Variants in ACCSL observed in about 807,000 individuals in gnomAD.
ACCSL encodes the protein probable inactive 1-aminocyclopropane-1-carboxylate synthase-like protein 2.
A neutral mutation model predicts 61.7 loss-of-function variants in ACCSL; 55 were observed. That is an observed-to-expected ratio of 0.89 (90% CI 0.72 to 1.12). ACCSL has a LOEUF of 1.12. Ranked by LOEUF, ACCSL falls within the 50% of genes most tolerant of loss-of-function variation. The probability of loss-of-function intolerance (pLI) is 0.00; values close to 1 mark genes in which losing one functional copy is unlikely to be tolerated. For missense variants in ACCSL, 632 were observed against 698.0 expected, an observed-to-expected ratio of 0.91 and a Z score of 1.07; for synonymous variants, 258 against 264.3, an observed-to-expected ratio of 0.98 and a Z score of 0.23.
the ACCSL span, among the ~76,000 whole-genome samples, chr11:43,995,782 C>T: frequency 6.6e-6 from 1 of 152,266 alleles, no homozygotes; most frequent in Admixed American, 6.5e-5. Flanking sequence ...CCTTGCCAGA[C>T]CACACAGGGC....
At chr11:44,038,842 T>C in the ACCSL span, among the ~76,000 whole-genome samples, 9 of 152,128 alleles carry the variant, frequency 5.9e-5, no homozygotes, top group African/African-American at 2.2e-4. Context: ...CTCCCCAACC[T>C]CTCCCTTTTC....
the ACCSL span, among the ~76,000 whole-genome samples, chr11:43,965,197 AAAC>A: frequency 0.015 from 2,357 of 152,314 alleles, 62 homozygotes; most frequent in African/African-American, 0.054. Context: ...AATCCTAAAG[AAAC>A]AACAACAACA....
the ACCSL span, among the ~76,000 whole-genome samples, chr11:43,992,994 G>C: frequency 2.0e-5 from 3 of 152,196 alleles, no homozygotes; most frequent in Non-Finnish European, 4.4e-5. Context: ...AAGTGAGAAC[G>C]TGGAGGAGGC....
chr11:43,981,704 C>G, the ACCSL span, among the ~76,000 whole-genome samples: 10 of 152,120 alleles, frequency 6.6e-5, no homozygotes, highest in African/African-American at 2.4e-4. Flanking sequence ...AAGTGAAGCT[C>G]TAGGGACCCT....
chr11:43,973,097 A>G, the ACCSL span, among the ~76,000 whole-genome samples: 1 of 152,238 alleles, frequency 6.6e-6, no homozygotes, highest in Admixed American at 6.5e-5. Context: ...ATGAATTTTT[A>G]TCTTTGGTAA....
At chr11:43,946,240 G>A in the ACCSL span, among the ~76,000 whole-genome samples, 5 of 152,170 alleles carry the variant, frequency 3.3e-5, no homozygotes, top group East Asian at 9.7e-4. Context: ...GCATGCCTGT[G>A]AGTAGTAGCC....
the ACCSL span, among the ~76,000 whole-genome samples, chr11:43,964,450 A>AG: frequency 6.6e-6 from 1 of 151,938 alleles, no homozygotes; most frequent in African/African-American, 2.4e-5. Context: ...AAAAAAAAAA[A>AG]AAAGAAAGAA....
the ACCSL span, among the ~76,000 whole-genome samples, chr11:43,949,676 A>T: frequency 6.6e-6 from 1 of 152,126 alleles, no homozygotes; most frequent in Non-Finnish European, 1.5e-5. Flanking sequence ...TTAGCTGGGC[A>T]TGGTGGCACA....
At chr11:43,988,072 G>C in the ACCSL span, among the ~76,000 whole-genome samples, 112 of 152,246 alleles carry the variant, frequency 7.4e-4, no homozygotes, top group Non-Finnish European at 1.2e-3. Flanking sequence ...CCTAGCCTCA[G>C]CTCCACCATG....
the ACCSL span, among the ~76,000 whole-genome samples, chr11:44,017,650 T>C: frequency 1.3e-5 from 2 of 152,212 alleles, no homozygotes; most frequent in Non-Finnish European, 2.9e-5. Flanking sequence ...CAGTGCTTTC[T>C]GGGATCCTGG....
the ACCSL span, among the ~76,000 whole-genome samples, chr11:43,954,443 T>TTA: frequency 2.6e-5 from 4 of 152,044 alleles, no homozygotes; most frequent in Non-Finnish European, 5.9e-5. Context: ...GGTGTCTGAT[T>TTA]TATATAAGGC....
chr11:44,058,707 G>A lies in ACCSL; in HGVS notation c.1624+8G>A. 1 of 1,605,706 alleles carries A rather than the reference G, an allele frequency of 6.2e-7. No individual in the cohort carries two copies. Among genetic ancestry groups the A allele is most frequent in the Non-Finnish European group, 8.5e-7 (1 of 1,174,854 alleles). On this transcript the variant is annotated splice_region_variant and intron_variant, in intron 13 of 13. Transcript: ENST00000378832. The stretch of plus-strand genomic sequence containing the variant: ...TCCCCCGGCTAAAATTGGGTGAGTG[G>A]AGCTGACCTCCCAATCCTTTAAAGA...
chr11:44,058,735 C>A, intron 13 of ACCSL, 36 bp downstream of exon 13: 1 of 1,579,102 alleles, frequency 6.3e-7, no homozygotes. Flanking sequence ...TTTAAAGACG[C>A]CCCATCAATT....
Position 44,048,502 on chromosome 11 carries a change from T to A in ACCSL, c.466T>A (p.Tyr156Asn). The change falls in exon 1 of 14, where the codon TAC becomes AAC. Residue 156 changes from tyrosine (Y) to asparagine (N), a missense_variant. Transcript: ENST00000378832. ...GTCGAGCTTCCAGGACTACAATGCCTACCAAAAAGATAAATATCATAAGGA... is the reference window on the plus strand; with the variant it reads ...GTCGAGCTTCCAGGACTACAATGCCAACCAAAAAGATAAATATCATAAGGA... ...YQSSFQDYNA[Y>N]QKDKYHKDKN... 1 of 1,524,742 alleles carries A rather than the reference T, an allele frequency of 6.6e-7. No homozygotes were observed. The highest frequency in any genetic ancestry group is 8.8e-7 in the Non-Finnish European group (1 of 1,130,516). The allele number at this position is 1,524,742 out of a possible 1,614,324, so 94.5% of individuals were successfully genotyped here.
the ACCSL span, among the ~76,000 whole-genome samples, chr11:43,985,356 G>A: frequency 6.6e-6 from 1 of 152,162 alleles, no homozygotes; most frequent in Non-Finnish European, 1.5e-5. Flanking sequence ...ACAGGGAGAG[G>A]AGACCAAAGA....
chr11:43,927,118 A>G, the ACCSL span, among the ~76,000 whole-genome samples: 7 of 152,254 alleles, frequency 4.6e-5, no homozygotes, highest in Admixed American at 6.5e-5. Flanking sequence ...AAAAATTACC[A>G]TCTTACTGAA....
At chr11:44,005,008 G>A in the ACCSL span, among the ~76,000 whole-genome samples, 1 of 152,120 alleles carries the variant, frequency 6.6e-6, no homozygotes, top group East Asian at 1.9e-4. Flanking sequence ...AGGCCCACTG[G>A]TGGTGGTGAG....
the ACCSL span, among the ~76,000 whole-genome samples, chr11:43,932,297 T>G: frequency 1.3e-5 from 2 of 152,160 alleles, no homozygotes; most frequent in African/African-American, 2.4e-5. Flanking sequence ...AGACAGGGTC[T>G]CATTCTGTCA....
the ACCSL span, among the ~76,000 whole-genome samples, chr11:43,995,787 C>A: frequency 3.9e-5 from 6 of 152,160 alleles, no homozygotes; most frequent in Non-Finnish European, 8.8e-5. Context: ...CCAGACCACA[C>A]AGGGCCAAAT....
Sources: allele counts gnomAD v4.1 joint callset (sites outside exome capture counted in the v4.1 genomes callset), GRCh38; gene constraint gnomAD v4.1.1; transcripts MANE v1.5; gene names NCBI Gene and HGNC (gene_info 2026-07-23, HGNC 2026-07-21).